LMNB1: variants seen among roughly 807,000 people sequenced by gnomAD.
LMNB1 encodes lamin-B1.
Under a neutral mutation model 67.1 loss-of-function variants are expected in LMNB1, and 23 were observed. The observed-to-expected ratio is 0.34, with a 90% confidence interval of 0.25 to 0.49. The LOEUF (loss-of-function observed/expected upper bound fraction) is 0.49, where lower values mean the gene tolerates loss of function less well. Among genes scored for constraint, LMNB1 ranks in the 20% least tolerant of loss-of-function variants. LMNB1 has a pLI of 0.99. For missense variants in LMNB1, 634 were observed against 746.5 expected (o/e 0.85, Z 1.76); for synonymous variants, 281 against 282.9 (o/e 0.99, Z 0.07).
intron 1 of LMNB1, among the ~76,000 whole-genome samples, chr5:126,781,151 T>G (rs1750624311): frequency 6.6e-6 from 1 of 151,994 alleles, no homozygotes; most frequent in Non-Finnish European, 1.5e-5. Flanking sequence ...TAGCCGCGTG[T>G]GGTAGTGGAC....
intron 5 of LMNB1, among the ~76,000 whole-genome samples, chr5:126,816,299 T>G (rs1751702368): frequency 6.6e-6 from 1 of 152,180 alleles, no homozygotes; most frequent in South Asian, 2.1e-4. Context: ...TGGAATTTAA[T>G]TAATTGATTG....
intron 2 of LMNB1, 114 bp from the exon 3 acceptor site, chr5:126,805,457 T>A: frequency 1.4e-6 from 1 of 710,314 alleles, no homozygotes; most frequent in South Asian, 2.0e-5. Context: ...AATTATACAT[T>A]GATAAATATA....
chr5:126,794,812 T>A (rs1751047695), intron 1 of LMNB1, among the ~76,000 whole-genome samples: 1 of 152,224 alleles, frequency 6.6e-6, no homozygotes, highest in Admixed American at 6.5e-5. Flanking sequence ...GTTAGCTGAT[T>A]ACAGGTGAAA....
At chr5:126,791,074 G>C (rs1015757985) in intron 1 of LMNB1, among the ~76,000 whole-genome samples, 1 of 152,066 alleles carries the variant, frequency 6.6e-6, no homozygotes, top group African/African-American at 2.4e-5. Flanking sequence ...ATGAAGACGT[G>C]TTCTTTAGTT....
chr5:126,831,777 A>AT lies in LMNB1; in HGVS notation c.1612-914dup, dbSNP rs201415845. Among the ~76,000 whole-genome samples, 57 of 152,314 alleles carry AT rather than the reference A, an allele frequency of 3.7e-4. No individual in the cohort carries two copies. The East Asian group carries it at 9.5e-3, about 25-fold the overall frequency. On this transcript the variant is annotated intron_variant, in intron 9 of 10. Transcript: ENST00000261366. ...TATAAAGAATTTAGTATGTCAAATAATTTGTAGAATTCTTAGTAACAGAAT... is the reference window on the plus strand; with the variant it reads ...TATAAAGAATTTAGTATGTCAAATAATTTTGTAGAATTCTTAGTAACAGAAT...
At chr5:126,784,494 T>TA (rs545253973) in intron 1 of LMNB1, among the ~76,000 whole-genome samples, 56 of 150,798 alleles carry the variant, frequency 3.7e-4, no homozygotes, top group African/African-American at 1.3e-3. Flanking sequence ...TAGCTGGGAT[T>TA]ACAGGCACGT....
intron 1 of LMNB1, among the ~76,000 whole-genome samples, chr5:126,788,702 A>G (rs980384793): frequency 5.9e-5 from 9 of 152,100 alleles, no homozygotes; most frequent in Non-Finnish European, 1.2e-4. Context: ...TTTTTGTTTG[A>G]TGAAGCCTAA....
intron 3 of LMNB1, among the ~76,000 whole-genome samples, chr5:126,807,641 G>T (rs921799896): frequency 1.3e-5 from 2 of 152,058 alleles, no homozygotes; most frequent in Non-Finnish European, 2.9e-5. Flanking sequence ...TTACATTTTT[G>T]TTTTGTTTTG....
intron 1 of LMNB1, among the ~76,000 whole-genome samples, chr5:126,789,579 A>G (rs1750899769): frequency 6.6e-6 from 1 of 152,154 alleles, no homozygotes; most frequent in Admixed American, 6.6e-5. Flanking sequence ...CTCATACCAC[A>G]GTTGAACTTG....
chr5:126,777,480 TCGCCGCCCCGCTGTCTC>T lies in LMNB1; in HGVS notation c.-20_-4del. 1 of 1,302,498 alleles carries T rather than the reference TCGCCGCCCCGCTGTCTC, an allele frequency of 7.7e-7. No homozygotes were observed. The highest frequency in any genetic ancestry group is 9.7e-7 in the Non-Finnish European group (1 of 1,029,076). The allele number at this position is 1,302,498 out of a possible 1,614,324, so 80.7% of individuals were successfully genotyped here. A position where few individuals can be genotyped will look rare whatever the true frequency, so the allele number is the denominator to read the frequency against. On this transcript the variant is annotated 5_prime_UTR_variant, in exon 1 of 11. Transcript: ENST00000261366. ...CCTTATCACGGTCCCGCTCGCGGCC[TCGCCGCCCCGCTGTCTC>T]CGCCGCCCGCCATGGCGACTGCGAC...
At chr5:126,834,624 T>C (rs1752209010) in intron 10 of LMNB1, among the ~76,000 whole-genome samples, 2 of 152,244 alleles carry the variant, frequency 1.3e-5, no homozygotes, top group Admixed American at 1.3e-4. Flanking sequence ...GGCTTACGCC[T>C]GTAATCCCAG....
chr5:126,787,905 T>TCCCA (rs1198150288), intron 1 of LMNB1, among the ~76,000 whole-genome samples: 14 of 152,012 alleles, frequency 9.2e-5, no homozygotes, highest in Non-Finnish European at 1.9e-4. Context: ...ATTGTATTTT[T>TCCCA]AGTAATGAGT....
At position 126,819,036 on chromosome 5, in the gene LMNB1, C is replaced by G; in HGVS notation, c.1054C>G (p.Gln352Glu). 1 of 1,614,102 alleles carries G rather than the reference C, an allele frequency of 6.2e-7. No individual in the cohort carries two copies. Among genetic ancestry groups the G allele is most frequent in the Non-Finnish European group, 8.5e-7 (1 of 1,179,984 alleles). The stretch of plus-strand genomic sequence containing the variant: ...GAGAGAGATGGCGGAAATAAGGGAT[C>G]AAATGCAGCAACAGCTGAATGACTA... ...KEREMAEIRD[Q>E]MQQQLNDYEQ... Residue 352 changes from glutamine to glutamate, a missense_variant, in exon 6 of 11, where the codon CAA (glutamine) becomes GAA (glutamate). By Grantham distance (29) the Gln-to-Glu change is conservative. Transcript: ENST00000261366.
At chr5:126,829,967 A>G (rs1324621505) in intron 9 of LMNB1, among the ~76,000 whole-genome samples, 1 of 152,232 alleles carries the variant, frequency 6.6e-6, no homozygotes, top group African/African-American at 2.4e-5. Flanking sequence ...TGAGGGAAAT[A>G]AAAAATAAAG....
At chr5:126,800,982 A>ATATATATATATAATTTTTTTT in intron 1 of LMNB1, among the ~76,000 whole-genome samples, 2 of 18,630 alleles carry the variant, frequency 1.1e-4, no homozygotes, top group Non-Finnish European at 1.0e-4. Context: ...TATATATATA[A>ATATATATATATAATTTTTTTT]TTTTTTTTTT....
intron 5 of LMNB1, 117 bp downstream of exon 5, chr5:126,812,015 T>A: frequency 1.0e-6 from 1 of 990,580 alleles, no homozygotes. Context: ...GAGGATGGTG[T>A]CATCCTGTGC....
At chr5:126,787,524 G>GTATATATATATATATATATATA (rs1179342923) in intron 1 of LMNB1, among the ~76,000 whole-genome samples, 4 of 87,680 alleles carry the variant, frequency 4.6e-5, no homozygotes, top group African/African-American at 1.8e-4. Context: ...GTGTGTGGGG[G>GTATATATATATATATATATATA]TATATATATA....
chr5:126,778,341 C>A (rs1219543074), intron 1 of LMNB1, among the ~76,000 whole-genome samples: 2 of 152,114 alleles, frequency 1.3e-5, no homozygotes, highest in African/African-American at 4.8e-5. Flanking sequence ...ACTGGCAGCC[C>A]GCCTCTAGAA....
intron 1 of LMNB1, among the ~76,000 whole-genome samples, chr5:126,778,532 G>T (rs1750540474): frequency 6.6e-6 from 1 of 152,188 alleles, no homozygotes; most frequent in Admixed American, 6.5e-5. Flanking sequence ...CCTCCAGCCA[G>T]CCCCGGGCAA....
Sources: gnomAD v4.1 joint callset for allele counts (sites outside exome capture counted in the v4.1 genomes callset) on GRCh38, gnomAD v4.1.1 for gene constraint, MANE v1.5 for transcripts, NCBI Gene and HGNC (gene_info 2026-07-23, HGNC 2026-07-21) for gene names.